SLC6A12: variants seen among roughly 807,000 people sequenced by gnomAD.
SLC6A12 encodes sodium- and chloride-dependent betaine transporter.
SLC6A12 carries 50 observed loss-of-function variants against 73.3 expected under a neutral mutation model. That is an observed-to-expected ratio of 0.68 (90% CI 0.54 to 0.86). SLC6A12 has a LOEUF of 0.86. SLC6A12 is among the 40% of genes least tolerant of loss of function. The pLI, the probability that SLC6A12 is intolerant of heterozygous loss-of-function variation, is 0.00. For synonymous variants in SLC6A12, 304 were observed against 309.2 expected, an observed-to-expected ratio of 0.98 and a Z score of 0.18; for missense variants, 648 against 772.8, an observed-to-expected ratio of 0.84 and a Z score of 1.92.
rs748470302 is a variant in SLC6A12 at position 202,854 on chromosome 12, C to A, written c.376G>T (p.Glu126Ter). 2 of 1,613,828 alleles carry A rather than the reference C, an allele frequency of 1.2e-6. No individual in the cohort carries two copies. The highest frequency in any genetic ancestry group is 1.7e-6 in the Non-Finnish European group (2 of 1,179,902). Residue 126 changes from glutamate (E) to a stop codon, truncating the protein, a stop_gained, in exon 5 of 16, where the codon GAG becomes TAG. Transcript: ENST00000684302. LOFTEE classifies it high-confidence loss of function. ...ATGTAGTAGACATTCAAATATGACT[C>A]GATGACCACAGATGCCAGACCAATG... ...QGIGLASVVI[E>*]SYLNVYYIII...
chr12:202,824 T>C lies in SLC6A12; in HGVS notation c.406A>G (p.Ile136Val). 1.2e-6 allele frequency: 2 copies of C among 1,613,814 alleles called. No homozygotes were observed. The highest frequency in any genetic ancestry group is 2.7e-5 in the African/African-American group (2 of 74,972). Residue 136 changes from isoleucine (I) to valine (V), a missense_variant, in exon 5 of 16, where the codon ATC becomes GTC. By Grantham distance (29) the Ile-to-Val change is conservative. Transcript: ENST00000684302. ...ESYLNVYYII[I>V]LAWALFYLFS... ...AGGTAGAAGAGAGCCCAGGCAAGGATGATGATGTAGTAGACATTCAAATAT... is the reference window on the plus strand; with the variant it reads ...AGGTAGAAGAGAGCCCAGGCAAGGACGATGATGTAGTAGACATTCAAATAT...
rs562885943 is a variant in SLC6A12 at position 200,310 on chromosome 12, G to T, written c.711+341C>A. On this transcript the variant is annotated intron_variant, in intron 7 of 15. Transcript: ENST00000684302. Reference sequence around the variant, plus strand: ...TTTTTAGTAGAGACGGGGTTTTACCGTGTTAGCCAGGATGGTCTCGATCTC... The same window carrying T: ...TTTTTAGTAGAGACGGGGTTTTACCTTGTTAGCCAGGATGGTCTCGATCTC... Among the ~76,000 whole-genome samples the T allele has an allele frequency of 4.6e-4, 70 of 151,276 alleles. 1 individual carries two copies. Among genetic ancestry groups the T allele is most frequent in the Non-Finnish European group, 7.4e-5 (5 of 67,840 alleles).
At chr12:197,154 C>T (rs369128951) in intron 10 of SLC6A12, among the ~76,000 whole-genome samples, 1,970 of 93,078 alleles carry the variant, frequency 0.021, 107 homozygotes, top group Middle Eastern at 0.087. Flanking sequence ...TCCATCCATC[C>T]ATCCATCCAT....
In SLC6A12 at chr12:212,010, G is replaced by A. The variant is rs1940921562; in HGVS notation, c.-58+16C>T. The A allele has an allele frequency of 6.6e-6, 1 of 152,224 alleles. No individual in the cohort carries two copies. Among genetic ancestry groups the A allele is most frequent in the Non-Finnish European group, 1.5e-5 (1 of 68,036 alleles). 9.4% of individuals were successfully genotyped at this position (152,224 alleles called of 1,614,324 possible). A position where few individuals can be genotyped will look rare whatever the true frequency, so the allele number is the denominator to read the frequency against. On this transcript the variant is annotated intron_variant, in intron 2 of 15. Coordinates refer to ENST00000684302, the MANE Select transcript of SLC6A12 (RefSeq NM_001122848.3). ...GCGCCTGGGGGACACTGTTCTCAAT[G>A]CTAGAATACACTTACCAAGACAATG... is the stretch of plus-strand genomic sequence containing the variant.
chr12:192,414 T>C, intron 15 of SLC6A12, 64 bp downstream of exon 15: 1 of 1,469,376 alleles, frequency 6.8e-7, no homozygotes, highest in Non-Finnish European at 9.5e-7. Context: ...TTGTGTGTCC[T>C]GCCCCAAGTC....
chr12:209,304 C>T (rs1940804156), intron 3 of SLC6A12, among the ~76,000 whole-genome samples: 1 of 152,176 alleles, frequency 6.6e-6, no homozygotes, highest in South Asian at 2.1e-4. Flanking sequence ...CCACTCATCA[C>T]CATTTGACAT....
chr12:187,589 C>CAAAAGAGCAAAAAAAAAAAAA (rs1939453849), downstream of SLC6A12, among the ~76,000 whole-genome samples: 2 of 106,048 alleles, frequency 1.9e-5, no homozygotes, highest in African/African-American at 5.3e-5. Context: ...TGCAAAAGAG[C>CAAAAGAGCAAAAAAAAAAAAA]AAAAAAAAAA....
chr12:207,225 C>T (rs568791524), intron 3 of SLC6A12, among the ~76,000 whole-genome samples: 26 of 152,346 alleles, frequency 1.7e-4, no homozygotes, highest in African/African-American at 5.8e-4. Flanking sequence ...GCTATGGGCA[C>T]GGGCGGCCCA....
downstream of SLC6A12, among the ~76,000 whole-genome samples, chr12:187,552 C>T (rs534640110): frequency 4.8e-5 from 6 of 125,940 alleles, no homozygotes; most frequent in East Asian, 1.5e-3. Context: ...AGAGTAGACC[C>T]AAACAGTGAG....
chr12:205,334 G>C (rs1444137706), intron 3 of SLC6A12, among the ~76,000 whole-genome samples: 3 of 152,210 alleles, frequency 2.0e-5, no homozygotes, highest in African/African-American at 7.2e-5. Flanking sequence ...TAAAGCTCGA[G>C]TGAGAAGTTC....
rs1939534756 is a variant in SLC6A12 at position 190,238 on chromosome 12, A to AGGT, written c.*827_*829dup. 6.6e-6 allele frequency: 1 copy of AGGT among 152,258 alleles called. No homozygotes were observed. Among genetic ancestry groups the AGGT allele is most frequent in the Admixed American group, 6.5e-5 (1 of 15,288 alleles). 9.4% of individuals were successfully genotyped at this position (152,258 alleles called of 1,614,324 possible). ...AAGTCCCTTTGTCTCTTTGGTCTCC[A>AGGT]GGTTCCTCATCCATGAAGTCAGGGG... On this transcript the variant is annotated 3_prime_UTR_variant, in exon 16 of 16. Transcript: ENST00000684302.
At chr12:200,310 G>C (rs562885943) in intron 7 of SLC6A12, among the ~76,000 whole-genome samples, 1 of 151,162 alleles carries the variant, frequency 6.6e-6, no homozygotes, top group Non-Finnish European at 1.5e-5. Context: ...GGGTTTTACC[G>C]TGTTAGCCAG....
At chr12:196,640 G>T in intron 11 of SLC6A12, 130 bp downstream of exon 11, 1 of 717,042 alleles carries the variant, frequency 1.4e-6, no homozygotes, top group Non-Finnish European at 2.4e-6. Flanking sequence ...CCAAGGAAAA[G>T]CCCTGGACAG....
chr12:210,224 A>C, intron 2 of SLC6A12, 181 bp from the exon 3 acceptor site: 1 of 1,149,176 alleles, frequency 8.7e-7, no homozygotes, highest in Non-Finnish European at 1.2e-6. Context: ...CTGAGTTTGC[A>C]GATGAGGAAA....
rs536126442 is a variant in SLC6A12, at chr12:199,338, C to T, written c.712-407G>A. ...TGTAATGATCAAATCAGGGCAAAGA[C>T]TAATTTAAAGTCCAGAATCTGGTCT... On this transcript the variant is annotated intron_variant, in intron 7 of 15. Transcript: ENST00000684302. 3.3e-5 allele frequency among the ~76,000 whole-genome samples: 5 copies of T among 152,334 alleles called. No homozygotes were observed. The South Asian group carries it at 1.0e-3, about 32-fold the overall frequency.
downstream of SLC6A12, among the ~76,000 whole-genome samples, chr12:186,401 A>G (rs1939428650): frequency 6.6e-6 from 1 of 152,146 alleles, no homozygotes; most frequent in South Asian, 2.1e-4. Flanking sequence ...ACTGCTGTGT[A>G]AAAAATCACC....
At chr12:195,145 C>A in intron 13 of SLC6A12, 80 bp downstream of exon 13, 3 of 875,182 alleles carry the variant, frequency 3.4e-6, no homozygotes, top group East Asian at 2.4e-5. Context: ...AGAACGGCCT[C>A]CCCCAGGCAA....
chr12:188,228 A>C (rs1360331609), downstream of SLC6A12, among the ~76,000 whole-genome samples: 4 of 152,182 alleles, frequency 2.6e-5, no homozygotes, highest in African/African-American at 9.6e-5. Flanking sequence ...AGGGAGGCTC[A>C]GGCATGGCGA....
chr12:197,423 GA>G lies in SLC6A12; in HGVS notation c.1028del (p.Phe343SerfsTer29), dbSNP rs1463084942. 6.2e-7 allele frequency: 1 copy of G among 1,613,900 alleles called. No homozygotes were observed. The highest frequency in any genetic ancestry group is 8.5e-7 in the Non-Finnish European group (1 of 1,179,924). ...AGFVVFSILG[F>X]MSQEQGVPIS... ...TGGGCACCCCTTGCTCTTGGGACAT[GA>G]AGCCCAGGATGGAGAAGACAACAAA... On this transcript the variant is annotated frameshift_variant, in exon 10 of 16. Transcript: ENST00000684302. LOFTEE classifies it high-confidence loss of function.
Sources: gnomAD v4.1 joint callset for allele counts (sites outside exome capture counted in the v4.1 genomes callset) on GRCh38, gnomAD v4.1.1 for gene constraint, MANE v1.5 for transcripts, NCBI Gene and HGNC (gene_info 2026-07-23, HGNC 2026-07-21) for gene names.